The following RGS6 variants were observed in gnomAD, a reference collection of about 807,000 sequenced individuals.
RGS6 encodes the protein regulator of G-protein signaling 6.
RGS6 carries 30 observed loss-of-function variants against 78.5 expected under a neutral mutation model. That is an observed-to-expected ratio of 0.38 (90% CI 0.29 to 0.52). RGS6 has a LOEUF of 0.52. RGS6 is among the 20% of genes least tolerant of loss of function. The probability of loss-of-function intolerance (pLI) is 0.85; values close to 1 mark genes in which losing one functional copy is unlikely to be tolerated. For missense variants in RGS6, 495 were observed against 609.7 expected (o/e 0.81, Z 1.98); for synonymous variants, 206 against 206.0 (o/e 1.00, Z 0.00).
chr14:71,933,659 A>G (rs2088331618), intron 1 of RGS6, among the ~76,000 whole-genome samples: 2 of 152,192 alleles, frequency 1.3e-5, no homozygotes, highest in Admixed American at 6.5e-5. Flanking sequence ...ACGGAGTAGG[A>G]ACGTTATTTT....
chr14:72,388,508 T>G (rs535814612), intron 3 of RGS6, among the ~76,000 whole-genome samples: 48 of 152,166 alleles, frequency 3.2e-4, no homozygotes, highest in Non-Finnish European at 6.0e-4. Flanking sequence ...GAGTCCCCCT[T>G]TTCTCAGAGT....
rs142718037 is a variant in RGS6 at position 72,484,526 on chromosome 14, TG to T, written c.854+6199del. ...TCCTCCAACTTGTCATAGTTTTGTG[TG>T]GTTTTTTTTTGGTGGGGGGCGGTCA... is the stretch of plus-strand genomic sequence containing the variant. On this transcript the variant is annotated intron_variant, in intron 12 of 17. Transcript: ENST00000553525. Among the ~76,000 whole-genome samples, 395 of 152,288 alleles carry T rather than the reference TG, an allele frequency of 2.6e-3. 1 individual carries two copies. Among genetic ancestry groups the T allele is most frequent in the African/African-American group, 9.2e-3 (384 of 41,566 alleles).
At chr14:72,269,882 G>A (rs1298401388) in intron 2 of RGS6, among the ~76,000 whole-genome samples, 1 of 152,076 alleles carries the variant, frequency 6.6e-6, no homozygotes, top group Non-Finnish European at 1.5e-5. Flanking sequence ...TAGCTTTAAT[G>A]CATCAAATAT....
At chr14:72,418,174 T>A (rs2093956703) in intron 3 of RGS6, among the ~76,000 whole-genome samples, 1 of 151,918 alleles carries the variant, frequency 6.6e-6, no homozygotes, top group Non-Finnish European at 1.5e-5. Context: ...AAATAAACTT[T>A]TTTTTTTTTT....
chr14:72,017,395 T>G (rs1269979446), intron 2 of RGS6, among the ~76,000 whole-genome samples: 1 of 152,238 alleles, frequency 6.6e-6, no homozygotes, highest in African/African-American at 2.4e-5. Context: ...GGTCTTTTCC[T>G]TTTCATGTTA....
chr14:72,538,203 C>T (rs2097274920), intron 16 of RGS6, among the ~76,000 whole-genome samples: 1 of 152,158 alleles, frequency 6.6e-6, no homozygotes, highest in Non-Finnish European at 1.5e-5. Context: ...CTAGAGTATT[C>T]TTCTGATTTC....
At chr14:72,368,083 T>G (rs2082761856) in intron 3 of RGS6, among the ~76,000 whole-genome samples, 1 of 152,216 alleles carries the variant, frequency 6.6e-6, no homozygotes, top group Non-Finnish European at 1.5e-5. Flanking sequence ...TGCCACAGAC[T>G]GGGCAAAGAA....
chr14:72,617,516 T>C, the RGS6 span, among the ~76,000 whole-genome samples: 1 of 152,172 alleles, frequency 6.6e-6, no homozygotes, highest in East Asian at 1.9e-4. Flanking sequence ...GAAAATTCCA[T>C]CCGGTCGGGG....
chr14:72,094,319 A>G (rs527291445), intron 2 of RGS6, among the ~76,000 whole-genome samples: 1 of 152,186 alleles, frequency 6.6e-6, no homozygotes, highest in Non-Finnish European at 1.5e-5. Context: ...AATGGTTTTC[A>G]TATTGTTCTA....
chr14:72,288,046 GTTTTC>G (rs1411195493), intron 2 of RGS6, among the ~76,000 whole-genome samples: 3 of 152,092 alleles, frequency 2.0e-5, no homozygotes, highest in Non-Finnish European at 4.4e-5. Context: ...TTCGCCTATA[GTTTTC>G]TTTTCTTGTA....
At chr14:72,358,215 C>T (rs2080755028) in intron 3 of RGS6, among the ~76,000 whole-genome samples, 1 of 152,194 alleles carries the variant, frequency 6.6e-6, no homozygotes, top group Non-Finnish European at 1.5e-5. Flanking sequence ...GCAGAGCCCT[C>T]ATGGAGAGCC....
chr14:72,029,364 G>A (rs1330143640), intron 2 of RGS6, among the ~76,000 whole-genome samples: 2 of 152,170 alleles, frequency 1.3e-5, no homozygotes, highest in East Asian at 3.9e-4. Flanking sequence ...ACTGTATTTT[G>A]ATGCATCAGA....
At chr14:72,291,766 A>AT (rs968715573) in intron 2 of RGS6, among the ~76,000 whole-genome samples, 1 of 152,146 alleles carries the variant, frequency 6.6e-6, no homozygotes, top group Non-Finnish European at 1.5e-5. Context: ...ACAATAGCAA[A>AT]TTTTTAAAAA....
chr14:71,869,518 A>G, the RGS6 span, among the ~76,000 whole-genome samples: 1 of 152,238 alleles, frequency 6.6e-6, no homozygotes, highest in African/African-American at 2.4e-5. Flanking sequence ...TGCTACAGTC[A>G]CTGCTGAGAC....
At chr14:72,420,710 T>A (rs990429846) in intron 3 of RGS6, among the ~76,000 whole-genome samples, 6 of 152,196 alleles carry the variant, frequency 3.9e-5, no homozygotes, top group African/African-American at 1.4e-4. Flanking sequence ...GCTACCAAGG[T>A]ATCCCTGAGC....
chr14:72,419,940 C>T (rs764206871), intron 3 of RGS6, among the ~76,000 whole-genome samples: 5 of 152,158 alleles, frequency 3.3e-5, no homozygotes, highest in Admixed American at 6.5e-5. Flanking sequence ...ATCTGCCCCC[C>T]TAAGGGTGTG....
chr14:72,103,189 C>T (rs369144901), intron 2 of RGS6, among the ~76,000 whole-genome samples: 19 of 152,292 alleles, frequency 1.2e-4, no homozygotes, highest in African/African-American at 2.9e-4. Context: ...CATTGCATTA[C>T]GGCAATTCCA....
intron 2 of RGS6, among the ~76,000 whole-genome samples, chr14:72,090,135 C>T (rs1008619262): frequency 2.1e-5 from 3 of 144,596 alleles, no homozygotes; most frequent in South Asian, 2.2e-4. Context: ...AAAAATAAAG[C>T]CTTCAACAGT....
intron 2 of RGS6, among the ~76,000 whole-genome samples, chr14:71,973,999 C>A (rs984181311): frequency 1.2e-4 from 19 of 152,134 alleles, no homozygotes; most frequent in African/African-American, 4.6e-4. Context: ...GTATAACTTT[C>A]TAATTTGAAA....
Sources: allele counts gnomAD v4.1 joint callset (sites outside exome capture counted in the v4.1 genomes callset), GRCh38; gene constraint gnomAD v4.1.1; transcripts MANE v1.5; gene names NCBI Gene and HGNC (gene_info 2026-07-23, HGNC 2026-07-21).